The following NAV2 variants were observed in gnomAD, a reference collection of about 807,000 sequenced individuals.
NAV2 encodes helicase, APC down-regulated 1.
Under a neutral mutation model 223.2 loss-of-function variants are expected in NAV2, and 54 were observed. The observed-to-expected ratio is 0.24, with a 90% CI of 0.19 to 0.30. The LOEUF is 0.30. Among genes scored for constraint, NAV2 ranks in the 10% least tolerant of loss-of-function variants. NAV2 has a pLI of 1.00. For synonymous variants in NAV2, 1,279 were observed against 1,239.3 expected, an observed-to-expected ratio of 1.03 and a Z score of -0.67; for missense variants, 2,806 against 3,147.5, an observed-to-expected ratio of 0.89 and a Z score of 2.60.
At chr11:20,065,297 C>G (rs554868650) in intron 20 of NAV2, among the ~76,000 whole-genome samples, 7 of 152,144 alleles carry the variant, frequency 4.6e-5, no homozygotes, top group African/African-American at 1.2e-4. Flanking sequence ...GACCAAGGAG[C>G]CTGCTGAGAG....
At position 20,013,526 on chromosome 11, in the gene NAV2, A is replaced by G. The variant is rs547640590; in HGVS notation, c.2769-22433A>G. ...ACAAGACTGTGGTTCAGAGGTTGGG[A>G]AAGGTTTTGTGAACCTATTTTATAG... On this transcript the variant is annotated intron_variant, in intron 11 of 37. Transcript: ENST00000349880. Among the ~76,000 whole-genome samples, 14 of 152,208 alleles carry G rather than the reference A, an allele frequency of 9.2e-5. No individual in the cohort carries two copies. In the South Asian group the frequency reaches 2.9e-3, roughly 32 times the overall value.
chr11:19,946,366 G>C (rs1299556637), intron 8 of NAV2, 35 bp from the exon 9 acceptor site: 3 of 1,577,432 alleles, frequency 1.9e-6, no homozygotes, highest in Non-Finnish European at 2.6e-6. Context: ...TGGTTGGTCA[G>C]AGAATTAAAC....
chr11:19,965,670 C>A (rs1357418428), intron 10 of NAV2, among the ~76,000 whole-genome samples: 1 of 152,228 alleles, frequency 6.6e-6, no homozygotes, highest in Non-Finnish European at 1.5e-5. Flanking sequence ...TGCTTACATT[C>A]CTCAGTGGCT....
chr11:20,085,572 GT>G (rs1342770163), intron 26 of NAV2, among the ~76,000 whole-genome samples: 2 of 152,218 alleles, frequency 1.3e-5, no homozygotes, highest in African/African-American at 4.8e-5. Flanking sequence ...CACTGGGTTA[GT>G]TTCAGCGGGT....
chr11:19,749,425 C>A (rs1008023669), intron 1 of NAV2, among the ~76,000 whole-genome samples: 1 of 152,292 alleles, frequency 6.6e-6, no homozygotes, highest in Admixed American at 6.5e-5. Flanking sequence ...TTTATTCTTT[C>A]CATCATAAGC....
intron 20 of NAV2, among the ~76,000 whole-genome samples, chr11:20,066,474 TA>T (rs2059049643): frequency 6.6e-6 from 1 of 152,192 alleles, no homozygotes; most frequent in Non-Finnish European, 1.5e-5. Context: ...CAAACCTACC[TA>T]ATGGAGTTTC....
intron 1 of NAV2, among the ~76,000 whole-genome samples, chr11:19,610,490 A>T (rs1338273077): frequency 6.6e-6 from 1 of 152,220 alleles, no homozygotes; most frequent in Non-Finnish European, 1.5e-5. Flanking sequence ...AGTCTCAGAA[A>T]TCTCTTACTG....
At chr11:20,050,201 G>T (rs1056499530) in intron 16 of NAV2, among the ~76,000 whole-genome samples, 4 of 152,246 alleles carry the variant, frequency 2.6e-5, no homozygotes, top group Admixed American at 2.6e-4. Context: ...GCCTCCTGTG[G>T]CATGTTCCTG....
At chr11:19,895,124 T>C (rs1377935074) in intron 6 of NAV2, among the ~76,000 whole-genome samples, 3 of 118,822 alleles carry the variant, frequency 2.5e-5, no homozygotes, top group African/African-American at 9.0e-5. Context: ...TTTTTTTTTT[T>C]TTTGAGACAG....
chr11:19,397,805 C>T (rs548745722), intron 1 of NAV2, among the ~76,000 whole-genome samples: 31 of 152,158 alleles, frequency 2.0e-4, no homozygotes, highest in African/African-American at 6.7e-4. Context: ...TGAGTTTTCC[C>T]ATCTGTAAAC....
At position 19,576,440 on chromosome 11, in the gene NAV2, T is replaced by A. The variant is rs1329192383; in HGVS notation, c.75+225413T>A. On this transcript the variant is annotated intron_variant, in intron 1 of 37. Coordinates refer to the NAV2 transcript ENST00000360655. ...TATTACAAAAATAATGCATACTAAT[T>A]GTAGAGAATTTGGGGAGAAATACAA... Among the ~76,000 whole-genome samples the A allele has an allele frequency of 2.6e-5, 4 of 152,256 alleles. 1 individual carries two copies. In the East Asian group the frequency reaches 7.7e-4, roughly 29 times the overall value.
chr11:19,378,914 C>T (rs756692591), intron 1 of NAV2, among the ~76,000 whole-genome samples: 1 of 152,150 alleles, frequency 6.6e-6, no homozygotes, highest in East Asian at 1.9e-4. Context: ...CGGTGCTGGG[C>T]ATGTGGAGAA....
chr11:19,973,188 T>A (rs1456426103), intron 10 of NAV2, among the ~76,000 whole-genome samples: 1 of 152,136 alleles, frequency 6.6e-6, no homozygotes. Context: ...CCCAGTTTGG[T>A]AAAGACTTTT....
intron 1 of NAV2, among the ~76,000 whole-genome samples, chr11:19,650,740 A>G (rs900073786): frequency 6.6e-6 from 1 of 152,262 alleles, no homozygotes; most frequent in Non-Finnish European, 1.5e-5. Context: ...ACTACCCGGC[A>G]ATTAAAAGGA....
chr11:20,063,268 C>T (rs2058821584), intron 20 of NAV2, among the ~76,000 whole-genome samples: 1 of 152,184 alleles, frequency 6.6e-6, no homozygotes, highest in Non-Finnish European at 1.5e-5. Context: ...AGCTATCATC[C>T]ATGAGAGAGG....
Position 19,416,864 on chromosome 11 carries a change from A to G in NAV2, c.75+65837A>G, listed in dbSNP as rs190236498. 3.2e-3 allele frequency among the ~76,000 whole-genome samples: 490 copies of G among 152,334 alleles called. 4 individuals are homozygous for G. Among genetic ancestry groups the G allele is most frequent in the South Asian group, 0.011 (52 of 4,830 alleles). On this transcript the variant is annotated intron_variant, in intron 1 of 37. Coordinates refer to the NAV2 transcript ENST00000360655. ...ATGGGGAAAGGATTCCCTATTTAAT[A>G]AATGGTGTTGGGAAAACTGGCTAGC...
chr11:19,980,924 A>G (rs2050235577), intron 10 of NAV2, among the ~76,000 whole-genome samples: 1 of 152,184 alleles, frequency 6.6e-6, no homozygotes, highest in Admixed American at 6.5e-5. Context: ...CCAAGGAGAG[A>G]CATACAACAG....
chr11:20,081,887 G>A (rs2060115621), intron 25 of NAV2, among the ~76,000 whole-genome samples: 1 of 152,154 alleles, frequency 6.6e-6, no homozygotes, highest in Admixed American at 6.5e-5. Context: ...AGAAAAATCT[G>A]ATTATGGCTT....
Position 19,973,402 on chromosome 11 carries a change from A to G in NAV2, c.2646-10723A>G, listed in dbSNP as rs114209138. Among the ~76,000 whole-genome samples, 993 of 152,304 alleles carry G rather than the reference A, an allele frequency of 6.5e-3. 13 individuals carry two copies. The highest frequency in any genetic ancestry group is 0.023 in the African/African-American group (937 of 41,572). On this transcript the variant is annotated intron_variant, in intron 10 of 37. Coordinates refer to ENST00000349880, the MANE Select transcript of NAV2 (RefSeq NM_145117.5). Reference sequence around the variant, plus strand: ...GGGAGCCGTAGCAGAAATCGCAGGAATGATAAGACTTACCAGCCCACAGAT... The same window carrying G: ...GGGAGCCGTAGCAGAAATCGCAGGAGTGATAAGACTTACCAGCCCACAGAT...
Sources: allele counts gnomAD v4.1 joint callset (sites outside exome capture counted in the v4.1 genomes callset), GRCh38; gene constraint gnomAD v4.1.1; transcripts MANE v1.5; gene names NCBI Gene and HGNC (gene_info 2026-07-23, HGNC 2026-07-21).